Variants in HDX observed in about 807,000 individuals in gnomAD.
HDX encodes the protein chromosome X open reading frame 43.
HDX carries 19 observed loss-of-function variants against 45.2 expected under a neutral mutation model. That is an observed-to-expected ratio of 0.42 (90% CI 0.29 to 0.62). The LOEUF (loss-of-function observed/expected upper bound fraction) is 0.62, where lower values mean the gene tolerates loss of function less well. HDX is among the 20% of genes least tolerant of loss of function. HDX has a pLI of 0.20. For synonymous variants in HDX, 188 were observed against 172.8 expected (o/e 1.09, Z -0.69); for missense variants, 532 against 493.9 (o/e 1.08, Z -0.73).
intron 5 of HDX, among the ~76,000 whole-genome samples, chrX:84,381,499 A>C (rs1014725221): frequency 4.5e-5 from 5 of 111,291 alleles, no homozygotes; most frequent in African/African-American, 1.6e-4. Flanking sequence ...AGAAATAGAC[A>C]TGTAGAGCAA....
chrX:84,468,290 C>A (rs1269830690), intron 4 of HDX, among the ~76,000 whole-genome samples, 182 bp downstream of exon 4: 3 of 111,570 alleles, frequency 2.7e-5, no homozygotes, highest in Non-Finnish European at 5.6e-5. Context: ...GAAAAAAAGA[C>A]CTCATCATTT....
chrX:84,488,405 A>C (rs2040836870), intron 1 of HDX, among the ~76,000 whole-genome samples: 1 of 110,592 alleles, frequency 9.0e-6, no homozygotes, highest in South Asian at 3.8e-4. Flanking sequence ...TATATATGAA[A>C]ATACAAATAA....
rs780608861 is a variant in HDX, at chrX:84,428,897, C to T, written c.1305+11635G>A. Among the ~76,000 whole-genome samples, 56 of 109,916 alleles carry T rather than the reference C, an allele frequency of 5.1e-4. 1 individual carries two copies. The highest frequency in any genetic ancestry group is 1.4e-3 in the African/African-American group (42 of 30,515). On this transcript the variant is annotated intron_variant, in intron 5 of 10. Coordinates refer to ENST00000373177, the MANE Select transcript of HDX (RefSeq NM_001177479.2). Reference sequence around the variant, plus strand: ...TTTGAGTTAATTTTTATATATAGTGCGCGCTATGGACCAAAATTCATTTTT... The same window carrying T: ...TTTGAGTTAATTTTTATATATAGTGTGCGCTATGGACCAAAATTCATTTTT...
chrX:84,449,826 A>T (rs2039955877), intron 4 of HDX, among the ~76,000 whole-genome samples: 1 of 111,671 alleles, frequency 9.0e-6, no homozygotes, highest in Admixed American at 9.5e-5. Context: ...AAGTAAAAGG[A>T]AAGAACAATC....
At chrX:84,401,757 G>A (rs183130263) in intron 5 of HDX, among the ~76,000 whole-genome samples, 1 of 112,082 alleles carries the variant, frequency 8.9e-6, no homozygotes, top group African/African-American at 3.2e-5. Context: ...ACATGCACAC[G>A]TATGTTTATT....
intron 5 of HDX, among the ~76,000 whole-genome samples, chrX:84,417,012 G>A (rs954456443): frequency 1.1e-4 from 12 of 109,024 alleles, no homozygotes; most frequent in African/African-American, 3.4e-4. Flanking sequence ...AAAATTAGCC[G>A]GGCATGGTGG....
At chrX:84,452,856 A>G (rs1271180434) in intron 4 of HDX, among the ~76,000 whole-genome samples, 1 of 112,035 alleles carries the variant, frequency 8.9e-6, no homozygotes. Context: ...AGACTCAAAA[A>G]TATAAAACTA....
At chrX:84,422,320 C>A (rs1225061171) in intron 5 of HDX, among the ~76,000 whole-genome samples, 15 of 111,144 alleles carry the variant, frequency 1.3e-4, no homozygotes, top group African/African-American at 4.9e-4. Flanking sequence ...AAATTCCTTG[C>A]AACAAATGAG....
intron 2 of HDX, among the ~76,000 whole-genome samples, chrX:84,480,154 G>T (rs759699979): frequency 2.7e-5 from 3 of 111,243 alleles, no homozygotes; most frequent in Non-Finnish European, 5.7e-5. Context: ...ATTTCCAATT[G>T]TTCATTGCTA....
rs757227947 is a variant in HDX at position 84,347,851 on chromosome X, T to C, written c.1453-3394A>G. 2.6e-3 allele frequency among the ~76,000 whole-genome samples: 293 copies of C among 111,542 alleles called. 2 individuals carry two copies. The highest frequency in any genetic ancestry group is 9.2e-3 in the African/African-American group (282 of 30,759). On this transcript the variant is annotated intron_variant, in intron 6 of 10. Coordinates refer to ENST00000373177, the MANE Select transcript of HDX (RefSeq NM_001177479.2). Reference sequence around the variant, plus strand: ...TCCTCTGTAATTAAGGTATTTGTTTTCCCCCTCTGGCTTCTTTCAAGTCTT... The same window carrying C: ...TCCTCTGTAATTAAGGTATTTGTTTCCCCCCTCTGGCTTCTTTCAAGTCTT...
intron 3 of HDX, among the ~76,000 whole-genome samples, chrX:84,475,034 T>C (rs147697432): frequency 0.01 from 1,166 of 111,660 alleles, 23 homozygotes; most frequent in African/African-American, 0.037. Context: ...AAAAGATGTT[T>C]ACGCTGCAAG....
At chrX:84,481,939 C>T (rs1311929759) in intron 2 of HDX, among the ~76,000 whole-genome samples, 1 of 111,509 alleles carries the variant, frequency 9.0e-6, no homozygotes, top group Non-Finnish European at 1.9e-5. Flanking sequence ...CATTGTTTAG[C>T]TTCCACTTAT....
chrX:84,376,425 G>A (rs1361675305), intron 5 of HDX, among the ~76,000 whole-genome samples: 1 of 111,713 alleles, frequency 9.0e-6, no homozygotes, highest in East Asian at 2.8e-4. Context: ...AGAGCACAAA[G>A]AGGGCCCTTG....
At chrX:84,382,965 TA>T (rs1569307665) in intron 5 of HDX, among the ~76,000 whole-genome samples, 1 of 111,501 alleles carries the variant, frequency 9.0e-6, no homozygotes, top group East Asian at 2.8e-4. Flanking sequence ...ATGCGCCGCA[TA>T]ATATATATAC....
At chrX:84,478,251 T>A (rs1196913885) in intron 2 of HDX, among the ~76,000 whole-genome samples, 2 of 112,095 alleles carry the variant, frequency 1.8e-5, no homozygotes, top group East Asian at 5.6e-4. Flanking sequence ...AGTATTTTAA[T>A]GAAGACTCTG....
intron 5 of HDX, among the ~76,000 whole-genome samples, chrX:84,417,590 T>C (rs2039145173): frequency 8.9e-6 from 1 of 111,736 alleles, no homozygotes; most frequent in African/African-American, 3.3e-5. Context: ...TGCTGGAAAA[T>C]CTAGTAAAGT....
chrX:84,432,399 T>C (rs974263466), intron 5 of HDX, among the ~76,000 whole-genome samples: 5 of 112,257 alleles, frequency 4.5e-5, no homozygotes, highest in African/African-American at 1.6e-4. Context: ...CAGAATAGCA[T>C]TGAATCTGTG....
chrX:84,444,814 A>G (rs2039837878), intron 4 of HDX, among the ~76,000 whole-genome samples: 1 of 111,701 alleles, frequency 9.0e-6, no homozygotes, highest in South Asian at 3.7e-4. Context: ...AATAGACTCT[A>G]CATATCAAGA....
chrX:84,466,053 T>G (rs10156950), intron 4 of HDX, among the ~76,000 whole-genome samples: 3,907 of 112,049 alleles, frequency 0.035, 130 homozygotes, highest in African/African-American at 0.11. Context: ...AGGTCTGATA[T>G]AGTATAACAA....
Sources: allele counts gnomAD v4.1 joint callset (sites outside exome capture counted in the v4.1 genomes callset), GRCh38; gene constraint gnomAD v4.1.1; transcripts MANE v1.5; gene names NCBI Gene and HGNC (gene_info 2026-07-23, HGNC 2026-07-21).